Variants in CMIP observed in about 807,000 individuals in gnomAD.
The protein encoded by CMIP is c-Maf inducing protein.
In CMIP, 13 loss-of-function variants were observed where a neutral mutation model predicts 97.3. The observed-to-expected ratio is 0.13, with a 90% CI of 0.09 to 0.21. The LOEUF is 0.21. Ranked by LOEUF, CMIP falls within the 10% of genes least tolerant of loss-of-function variation. The pLI, the probability that CMIP is intolerant of heterozygous loss-of-function variation, is 1.00. For synonymous variants in CMIP, 538 were observed against 436.3 expected (o/e 1.23, Z -2.91); for missense variants, 847 against 1,024.9 (o/e 0.83, Z 2.37).
At chr16:81,658,597 A>C (rs1437009145) in intron 5 of CMIP, among the ~76,000 whole-genome samples, 1 of 152,266 alleles carries the variant, frequency 6.6e-6, no homozygotes, top group African/African-American at 2.4e-5. Flanking sequence ...CCAGGTGGCA[A>C]AACGGGATAA....
chr16:81,701,557 A>G, intron 15 of CMIP, 103 bp from the exon 16 acceptor site: 4 of 1,496,676 alleles, frequency 2.7e-6, no homozygotes, highest in Non-Finnish European at 3.7e-6. Flanking sequence ...GAAAGGGGAT[A>G]GTGGGGTTGC....
At chr16:81,615,617 GGTGT>G (rs768429654) in intron 2 of CMIP, among the ~76,000 whole-genome samples, 4 of 145,586 alleles carry the variant, frequency 2.7e-5, no homozygotes, top group African/African-American at 5.1e-5. Flanking sequence ...GTCTTTGTGT[GGTGT>G]GTGTGTATGT....
At chr16:81,662,093 G>T (rs1030235377) in intron 6 of CMIP, among the ~76,000 whole-genome samples, 6 of 152,142 alleles carry the variant, frequency 3.9e-5, no homozygotes, top group African/African-American at 1.4e-4. Context: ...TGGGTATCAT[G>T]CCCCCAGAAG....
intron 1 of CMIP, among the ~76,000 whole-genome samples, chr16:81,538,985 G>C (rs2090397865): frequency 6.6e-6 from 1 of 152,134 alleles, no homozygotes; most frequent in East Asian, 1.9e-4. Flanking sequence ...AGTTCACTGT[G>C]GGTCAGACAA....
intron 1 of CMIP, among the ~76,000 whole-genome samples, chr16:81,590,520 C>T (rs950602294): frequency 7.2e-5 from 11 of 152,308 alleles, no homozygotes; most frequent in East Asian, 1.9e-4. Flanking sequence ...AAACCCATGT[C>T]GCCCGGCTTC....
chr16:81,608,691 G>C (rs529428204), intron 2 of CMIP, among the ~76,000 whole-genome samples: 2 of 151,796 alleles, frequency 1.3e-5, no homozygotes, highest in African/African-American at 4.8e-5. Flanking sequence ...AGAAGTGACT[G>C]ACAAAAACCA....
intron 1 of CMIP, among the ~76,000 whole-genome samples, chr16:81,474,465 A>T (rs1247820646): frequency 6.6e-6 from 1 of 151,246 alleles, no homozygotes; most frequent in African/African-American, 2.4e-5. Context: ...GTCGCACACT[A>T]CTTCTGCTTC....
At chr16:81,667,799 A>AGAGAGAGAGAGAGAGAGTGTGTGT in intron 7 of CMIP, among the ~76,000 whole-genome samples, 79 of 58,130 alleles carry the variant, frequency 1.4e-3, no homozygotes, top group Non-Finnish European at 1.9e-3. Flanking sequence ...AGAGAGAGAG[A>AGAGAGAGAGAGAGAGAGTGTGTGT]GTGTGTGTGT....
intron 1 of CMIP, among the ~76,000 whole-genome samples, chr16:81,555,456 A>G (rs180827336): frequency 6.6e-6 from 1 of 152,330 alleles, no homozygotes; most frequent in African/African-American, 2.4e-5. Context: ...GTGAAAGCAC[A>G]CCTGCCCAGG....
intron 1 of CMIP, among the ~76,000 whole-genome samples, chr16:81,587,888 C>T (rs538958678): frequency 1.2e-4 from 18 of 152,278 alleles, no homozygotes; most frequent in African/African-American, 3.8e-4. Flanking sequence ...AGCCAGTGTG[C>T]GGGTGCATGA....
intron 1 of CMIP, among the ~76,000 whole-genome samples, chr16:81,597,283 T>G (rs372775639): frequency 6.6e-6 from 1 of 152,216 alleles, no homozygotes; most frequent in Non-Finnish European, 1.5e-5. Flanking sequence ...CCAACACTTA[T>G]CATTTTTCAT....
chr16:81,648,125 G>A (rs939361334), intron 3 of CMIP, among the ~76,000 whole-genome samples: 7 of 150,876 alleles, frequency 4.6e-5, no homozygotes, highest in African/African-American at 1.7e-4. Flanking sequence ...TTGTCCTTGT[G>A]TCACCAAGCA....
intron 1 of CMIP, among the ~76,000 whole-genome samples, chr16:81,471,818 C>T (rs902092414): frequency 6.6e-6 from 1 of 152,226 alleles, no homozygotes; most frequent in South Asian, 2.1e-4. Context: ...GAGTGACTCA[C>T]AGGCAGCTAG....
chr16:81,672,460 C>T (rs1177840744), intron 9 of CMIP, among the ~76,000 whole-genome samples: 1 of 152,158 alleles, frequency 6.6e-6, no homozygotes, highest in East Asian at 1.9e-4. Flanking sequence ...TACGTGTGTG[C>T]ACATGGAGGT....
At chr16:81,506,711 G>A (rs1253385665) in intron 1 of CMIP, among the ~76,000 whole-genome samples, 2 of 152,170 alleles carry the variant, frequency 1.3e-5, no homozygotes, top group Admixed American at 1.3e-4. Flanking sequence ...TCAGGAGTTC[G>A]AGACCAGCCT....
intron 3 of CMIP, among the ~76,000 whole-genome samples, chr16:81,632,732 A>G (rs1426704247): frequency 1.3e-5 from 2 of 152,188 alleles, no homozygotes; most frequent in African/African-American, 2.4e-5. Context: ...GCCCCTGGCT[A>G]CAGAGCTGGG....
chr16:81,522,080 C>T (rs1001089721), intron 1 of CMIP, among the ~76,000 whole-genome samples: 1 of 152,274 alleles, frequency 6.6e-6, no homozygotes, highest in Middle Eastern at 3.4e-3. Flanking sequence ...TTCTGCTTGT[C>T]CATTCACACT....
Position 81,652,450 on chromosome 16 carries a change from A to G in CMIP, c.639+86A>G. On this transcript the variant is annotated intron_variant, in intron 4 of 20. Coordinates refer to ENST00000537098, the MANE Select transcript of CMIP (RefSeq NM_198390.3). The surrounding 1 kb of genome is among the most constrained non-coding windows in gnomAD (Gnocchi z 5.2). ...TCCATGCCAAGCAGCAGGCGCAGGC[A>G]GAGCTCCGTGTGGGCTGTGTTGTTG... The G allele has an allele frequency of 1.6e-6, 2 of 1,225,422 alleles. No homozygotes were observed. The highest frequency in any genetic ancestry group is 2.3e-6 in the Non-Finnish European group (2 of 859,008). The allele number at this position is 1,225,422 out of a possible 1,614,324, so 75.9% of individuals were successfully genotyped here.
intron 1 of CMIP, among the ~76,000 whole-genome samples, chr16:81,589,398 T>G (rs965400220): frequency 1.3e-5 from 2 of 152,228 alleles, no homozygotes; most frequent in Non-Finnish European, 2.9e-5. Flanking sequence ...CACCTGGCCT[T>G]GTCTTGCTTT....
Sources: gnomAD v4.1 joint callset for allele counts (sites outside exome capture counted in the v4.1 genomes callset) on GRCh38, gnomAD v4.1.1 for gene constraint, Gnocchi (gnomAD v3.1) non-coding constraint, MANE v1.5 for transcripts, NCBI Gene and HGNC (gene_info 2026-07-23, HGNC 2026-07-21) for gene names.